The following ST6GALNAC3 variants were observed in gnomAD, a reference collection of about 807,000 sequenced individuals.
ST6GALNAC3 encodes the protein alpha-N-acetylgalactosaminide alpha-2,6-sialyltransferase 3.
A neutral mutation model predicts 32.7 loss-of-function variants in ST6GALNAC3; 25 were observed. The observed-to-expected ratio is 0.76, with a 90% CI of 0.56 to 1.07. The LOEUF (loss-of-function observed/expected upper bound fraction) is 1.07. Among genes scored for constraint, ST6GALNAC3 ranks in the 50% least tolerant of loss-of-function variants. ST6GALNAC3 has a pLI of 0.00. For synonymous variants in ST6GALNAC3, 129 were observed against 133.1 expected, an observed-to-expected ratio of 0.97 and a Z score of 0.21; for missense variants, 355 against 382.4, an observed-to-expected ratio of 0.93 and a Z score of 0.60.
intron 1 of ST6GALNAC3, among the ~76,000 whole-genome samples, chr1:76,165,030 A>G (rs764531213): frequency 3.9e-5 from 6 of 152,122 alleles, no homozygotes; most frequent in Non-Finnish European, 8.8e-5. Flanking sequence ...TGTTGTACAG[A>G]TTATTTCATC....
intron 1 of ST6GALNAC3, among the ~76,000 whole-genome samples, chr1:76,220,881 A>T (rs1655724074): frequency 6.6e-6 from 1 of 152,196 alleles, no homozygotes; most frequent in Non-Finnish European, 1.5e-5. Context: ...ACATTGCAAA[A>T]CTGCCTGGTG....
At chr1:76,352,685 A>G (rs1206269216) in intron 2 of ST6GALNAC3, among the ~76,000 whole-genome samples, 3 of 151,944 alleles carry the variant, frequency 2.0e-5, no homozygotes. Flanking sequence ...TCTGACTTGT[A>G]TATTCCATTA....
chr1:76,419,490 T>G (rs890649532), intron 3 of ST6GALNAC3, among the ~76,000 whole-genome samples: 1 of 152,154 alleles, frequency 6.6e-6, no homozygotes, highest in Non-Finnish European at 1.5e-5. Context: ...GGGATCTATC[T>G]CTGTAGTTGA....
At position 76,384,183 on chromosome 1, in the gene ST6GALNAC3, T is replaced by C. The variant is rs188269663; in HGVS notation, c.214-27825T>C. Among the ~76,000 whole-genome samples the C allele has an allele frequency of 3.9e-5, 6 of 152,060 alleles. No homozygotes were observed. The East Asian group carries it at 7.7e-4, about 20-fold the overall frequency. ...ATATCAGGCACAGAAAGGTTAAAAATAAAATAATGGAAAAAGATATACTGT... is the reference window on the plus strand; with the variant it reads ...ATATCAGGCACAGAAAGGTTAAAAACAAAATAATGGAAAAAGATATACTGT... On this transcript the variant is annotated intron_variant, in intron 2 of 4. Coordinates refer to ENST00000328299, the MANE Select transcript of ST6GALNAC3 (RefSeq NM_152996.4).
At chr1:76,443,363 C>A (rs1187158142) in intron 3 of ST6GALNAC3, among the ~76,000 whole-genome samples, 1 of 152,136 alleles carries the variant, frequency 6.6e-6, no homozygotes, top group Admixed American at 6.6e-5. Flanking sequence ...TTGGCCAAAC[C>A]AAAGCCAAAG....
intron 1 of ST6GALNAC3, among the ~76,000 whole-genome samples, chr1:76,154,441 TA>T (rs1179843616): frequency 1.3e-5 from 2 of 152,204 alleles, no homozygotes; most frequent in African/African-American, 4.8e-5. Flanking sequence ...GTTATGAATG[TA>T]AAGACATTCT....
At chr1:76,595,526 G>T (rs1012874468) in intron 3 of ST6GALNAC3, among the ~76,000 whole-genome samples, 1 of 151,992 alleles carries the variant, frequency 6.6e-6, no homozygotes, top group African/African-American at 2.4e-5. Context: ...AAGCTTAATC[G>T]ATTGCACACT....
chr1:76,222,152 A>G (rs1473269313), intron 1 of ST6GALNAC3, among the ~76,000 whole-genome samples: 1 of 152,154 alleles, frequency 6.6e-6, no homozygotes, highest in Non-Finnish European at 1.5e-5. Flanking sequence ...TGCTTTTGCA[A>G]TGGGGAAAGG....
At chr1:76,277,412 A>T (rs970681412) in intron 1 of ST6GALNAC3, among the ~76,000 whole-genome samples, 2 of 151,810 alleles carry the variant, frequency 1.3e-5, no homozygotes, top group African/African-American at 4.8e-5. Context: ...ATGACATTAC[A>T]GATAACTGGG....
At chr1:76,206,758 G>A (rs1297838902) in intron 1 of ST6GALNAC3, among the ~76,000 whole-genome samples, 2 of 151,950 alleles carry the variant, frequency 1.3e-5, no homozygotes, top group African/African-American at 4.8e-5. Context: ...TCGTTAGAAA[G>A]GCCTTCAATA....
intron 3 of ST6GALNAC3, among the ~76,000 whole-genome samples, chr1:76,523,917 C>T (rs1570093281): frequency 1.3e-5 from 2 of 152,258 alleles, no homozygotes; most frequent in East Asian, 3.9e-4. Flanking sequence ...AGCCTACTTT[C>T]CCAGTCTACC....
At chr1:76,322,499 TA>T (rs1434765913) in intron 2 of ST6GALNAC3, among the ~76,000 whole-genome samples, 1 of 152,164 alleles carries the variant, frequency 6.6e-6, no homozygotes, top group East Asian at 1.9e-4. Context: ...GATGGCTGAG[TA>T]ACCATCTTAC....
Position 76,427,568 on chromosome 1 carries a change from G to A in ST6GALNAC3, c.623+15151G>A, listed in dbSNP as rs562767705. Among the ~76,000 whole-genome samples the A allele has an allele frequency of 1.5e-4, 23 of 152,116 alleles. No homozygotes were observed. The South Asian group carries it at 4.6e-3, about 30-fold the overall frequency. ...AACTATATGAGTACATATCTATCGAGAACCTGGACCAACAGTTTTTCTTGG... is the reference window on the plus strand; with the variant it reads ...AACTATATGAGTACATATCTATCGAAAACCTGGACCAACAGTTTTTCTTGG... On this transcript the variant is annotated intron_variant, in intron 3 of 4. Coordinates refer to ENST00000328299, the MANE Select transcript of ST6GALNAC3 (RefSeq NM_152996.4).
Position 76,493,890 on chromosome 1 carries a change from A to G in ST6GALNAC3, c.623+81473A>G, listed in dbSNP as rs191604978. On this transcript the variant is annotated intron_variant, in intron 3 of 4. Coordinates refer to ENST00000328299, the MANE Select transcript of ST6GALNAC3 (RefSeq NM_152996.4). ...TTCCTGTGTGTAGGGCCATTTCCTC[A>G]GGGGATATGAACAGTTTCATGAAGA... Among the ~76,000 whole-genome samples the G allele has an allele frequency of 8.9e-4, 135 of 152,242 alleles. 1 individual carries two copies. Among genetic ancestry groups the G allele is most frequent in the African/African-American group, 3.1e-3 (130 of 41,556 alleles).
chr1:76,121,118 C>A (rs893924225), intron 1 of ST6GALNAC3, among the ~76,000 whole-genome samples: 2 of 152,190 alleles, frequency 1.3e-5, no homozygotes, highest in African/African-American at 4.8e-5. Flanking sequence ...CCAGGACAAT[C>A]CCCCCATCTC....
Position 76,627,420 on chromosome 1 carries a change from T to A in ST6GALNAC3, c.624-32T>A, listed in dbSNP as rs374344401. 39 of 1,394,046 alleles carry A rather than the reference T, an allele frequency of 2.8e-5. No homozygotes were observed. In the African/African-American group the frequency reaches 5.6e-4, roughly 20 times the overall value. 86.4% of individuals were successfully genotyped at this position (1,394,046 alleles called of 1,614,324 possible). On this transcript the variant is annotated intron_variant, in intron 3 of 4. Coordinates refer to ENST00000328299, the MANE Select transcript of ST6GALNAC3 (RefSeq NM_152996.4). ...TGTGTGTGTGTTCTGTGTTTTGTTC[T>A]GTTTGTTATTGTTTGTTTTCATTTC... is the stretch of plus-strand genomic sequence containing the variant.
At chr1:76,413,421 A>T (rs1456113281) in intron 3 of ST6GALNAC3, among the ~76,000 whole-genome samples, 2 of 152,162 alleles carry the variant, frequency 1.3e-5, no homozygotes, top group East Asian at 3.8e-4. Flanking sequence ...TAGCATTCCA[A>T]TTTTTTCAAA....
intron 1 of ST6GALNAC3, among the ~76,000 whole-genome samples, chr1:76,264,919 C>A (rs1480681843): frequency 7.2e-6 from 1 of 138,294 alleles, no homozygotes; most frequent in Non-Finnish European, 1.6e-5. Context: ...TTTTTTTTAA[C>A]TAGATTATAT....
At chr1:76,542,489 G>T (rs1294539130) in intron 3 of ST6GALNAC3, among the ~76,000 whole-genome samples, 1 of 152,120 alleles carries the variant, frequency 6.6e-6, no homozygotes, top group Non-Finnish European at 1.5e-5. Context: ...ACTAGCCTCA[G>T]GCAGAGGCTG....
Sources: allele counts gnomAD v4.1 joint callset (sites outside exome capture counted in the v4.1 genomes callset), GRCh38; gene constraint gnomAD v4.1.1; transcripts MANE v1.5; gene names NCBI Gene and HGNC (gene_info 2026-07-23, HGNC 2026-07-21).